Variants in ANO2 observed in about 807,000 individuals in gnomAD.
The protein encoded by ANO2 is anoctamin 2, also known as anoctamin-2.
In ANO2, 101 loss-of-function variants were observed where a neutral mutation model predicts 124.2. The observed-to-expected ratio is 0.81, with a 90% CI of 0.69 to 0.96. The LOEUF is 0.96. Among genes scored for constraint, ANO2 ranks in the 40% least tolerant of loss-of-function variants. The probability of loss-of-function intolerance (pLI) is 0.00; values close to 1 mark genes in which losing one functional copy is unlikely to be tolerated. For synonymous variants in ANO2, 486 were observed against 482.5 expected, an observed-to-expected ratio of 1.01 and a Z score of -0.09; for missense variants, 1,293 against 1,274.5, an observed-to-expected ratio of 1.01 and a Z score of -0.22.
chr12:5,641,761 A>G (rs1320851827), intron 15 of ANO2, among the ~76,000 whole-genome samples: 4 of 152,248 alleles, frequency 2.6e-5, no homozygotes, highest in African/African-American at 2.4e-5. Flanking sequence ...TCTTGCATTT[A>G]TATCAAGATT....
chr12:5,869,164 G>A (rs972552756), intron 3 of ANO2, among the ~76,000 whole-genome samples: 5 of 152,046 alleles, frequency 3.3e-5, no homozygotes, highest in African/African-American at 7.2e-5. Context: ...ATCCAGCAGG[G>A]CCATTCGCAC....
chr12:5,840,639 T>C (rs1221078638), intron 4 of ANO2, among the ~76,000 whole-genome samples: 3 of 152,124 alleles, frequency 2.0e-5, no homozygotes, highest in Admixed American at 1.3e-4. Context: ...TAATGACCCA[T>C]GAGTCACTAA....
intron 3 of ANO2, among the ~76,000 whole-genome samples, chr12:5,864,195 C>G (rs1055347020): frequency 1.1e-4 from 16 of 152,178 alleles, no homozygotes; most frequent in African/African-American, 3.9e-4. Flanking sequence ...TGTAACTGAA[C>G]ACCACCAAGT....
At chr12:5,890,696 T>G (rs979593035) in intron 3 of ANO2, among the ~76,000 whole-genome samples, 3 of 152,158 alleles carry the variant, frequency 2.0e-5, no homozygotes, top group Admixed American at 1.3e-4. Flanking sequence ...AGGGGAAGAA[T>G]TCACAAAGGT....
At chr12:5,780,110 A>G (rs1292713504) in intron 10 of ANO2, among the ~76,000 whole-genome samples, 1 of 152,240 alleles carries the variant, frequency 6.6e-6, no homozygotes, top group African/African-American at 2.4e-5. Context: ...ATATTAGATT[A>G]CTTCAAGAGT....
At chr12:5,868,157 G>C (rs188406742) in intron 3 of ANO2, among the ~76,000 whole-genome samples, 2 of 152,154 alleles carry the variant, frequency 1.3e-5, no homozygotes, top group East Asian at 3.9e-4. Flanking sequence ...GCCTGTATCA[G>C]GGTATCTAGT....
chr12:5,614,703 G>A (rs1944711537), intron 17 of ANO2, among the ~76,000 whole-genome samples: 1 of 152,186 alleles, frequency 6.6e-6, no homozygotes, highest in Admixed American at 6.5e-5. Flanking sequence ...GGAGTAATGA[G>A]AGCTCTGGAA....
chr12:5,780,032 A>G (rs762237856), intron 10 of ANO2, among the ~76,000 whole-genome samples: 4 of 152,252 alleles, frequency 2.6e-5, no homozygotes, highest in Non-Finnish European at 4.4e-5. Context: ...TATTGTATCA[A>G]TGTTAAACTT....
At chr12:5,675,567 C>T (rs565068621) in intron 14 of ANO2, among the ~76,000 whole-genome samples, 36 of 152,292 alleles carry the variant, frequency 2.4e-4, no homozygotes, top group African/African-American at 7.9e-4. Context: ...CTCAACTTTA[C>T]GTTTGACATT....
In ANO2 at chr12:5,618,669, C is replaced by T. The variant is rs138473615; in HGVS notation, c.1817-3372G>A. ...TCAAACACTCTCTTTCACCTCCCCA[C>T]TTTCCACTCCCAGTCTAACCTGATG... On this transcript the variant is annotated intron_variant, in intron 16 of 24. Transcript: ENST00000682330. Among the ~76,000 whole-genome samples, 10 of 152,328 alleles carry T rather than the reference C, an allele frequency of 6.6e-5. No homozygotes were observed. The East Asian group carries it at 1.9e-3, about 29-fold the overall frequency.
At chr12:5,616,610 G>A (rs1246309505) in intron 16 of ANO2, among the ~76,000 whole-genome samples, 1 of 152,136 alleles carries the variant, frequency 6.6e-6, no homozygotes, top group Non-Finnish European at 1.5e-5. Context: ...TGACAACAGG[G>A]CCATGCCAGC....
intron 3 of ANO2, among the ~76,000 whole-genome samples, chr12:5,889,392 C>T (rs1939226829): frequency 6.6e-6 from 1 of 152,280 alleles, no homozygotes; most frequent in African/African-American, 2.4e-5. Context: ...GCTGTCACCT[C>T]TCAATTCCAC....
chr12:5,741,738 A>G (rs11559856), intron 12 of ANO2, among the ~76,000 whole-genome samples: 38,878 of 152,150 alleles, frequency 0.26, 5,175 homozygotes, highest in African/African-American at 0.32. Flanking sequence ...ACTCAATCAC[A>G]TGTCACAAGA....
intron 7 of ANO2, among the ~76,000 whole-genome samples, chr12:5,826,263 G>T (rs778319655): frequency 6.6e-6 from 1 of 152,046 alleles, no homozygotes; most frequent in Non-Finnish European, 1.5e-5. Context: ...GATTATGTAT[G>T]ATCTCAGGAG....
intron 3 of ANO2, among the ~76,000 whole-genome samples, chr12:5,884,404 C>T (rs1938737753): frequency 6.6e-6 from 1 of 152,358 alleles, no homozygotes; most frequent in East Asian, 1.9e-4. Flanking sequence ...GTCCCCTTCC[C>T]CCATGGCCCT....
intron 11 of ANO2, among the ~76,000 whole-genome samples, chr12:5,748,518 C>T (rs1468859013): frequency 6.6e-6 from 1 of 152,180 alleles, no homozygotes; most frequent in Admixed American, 6.5e-5. Flanking sequence ...CAACTCCCAG[C>T]ACTGACAACT....
At chr12:5,922,401 C>T (rs1222621243) in intron 2 of ANO2, among the ~76,000 whole-genome samples, 1 of 152,212 alleles carries the variant, frequency 6.6e-6, no homozygotes, top group Non-Finnish European at 1.5e-5. Flanking sequence ...TGGCCTCCCA[C>T]GCCTCCTCCT....
chr12:5,793,457 T>C (rs1167466462), intron 10 of ANO2, among the ~76,000 whole-genome samples: 1 of 152,240 alleles, frequency 6.6e-6, no homozygotes, highest in Non-Finnish European at 1.5e-5. Context: ...TGAAAGCTTA[T>C]TGTACAACAG....
intron 14 of ANO2, among the ~76,000 whole-genome samples, chr12:5,678,212 C>T (rs1037789406): frequency 1.3e-5 from 2 of 152,140 alleles, no homozygotes; most frequent in Non-Finnish European, 2.9e-5. Flanking sequence ...TTAAAGATGT[C>T]CTGACGCTGA....
Sources: gnomAD v4.1 joint callset for allele counts (sites outside exome capture counted in the v4.1 genomes callset) on GRCh38, gnomAD v4.1.1 for gene constraint, MANE v1.5 for transcripts, NCBI Gene and HGNC (gene_info 2026-07-23, HGNC 2026-07-21) for gene names.